The following PPP1R7 variants were observed in gnomAD, a reference collection of about 807,000 sequenced individuals.
PPP1R7 encodes protein phosphatase 1 regulatory subunit 22.
PPP1R7 carries 18 observed loss-of-function variants against 45.2 expected under a neutral mutation model. The ratio of observed to expected loss-of-function variants is 0.40; its 90% CI spans 0.28 to 0.59. The LOEUF (loss-of-function observed/expected upper bound fraction) is 0.59. PPP1R7 is among the 20% of genes least tolerant of loss of function. PPP1R7 has a pLI of 0.46. For synonymous variants in PPP1R7, 181 were observed against 183.4 expected, an observed-to-expected ratio of 0.99 and a Z score of 0.11; for missense variants, 314 against 455.8, an observed-to-expected ratio of 0.69 and a Z score of 2.83.
chr2:241,163,399 C>T lies in PPP1R7; in HGVS notation c.712C>T (p.Gln238Ter). 6.2e-7 allele frequency: 1 copy of T among 1,605,606 alleles called. No individual in the cohort carries two copies. Among genetic ancestry groups the T allele is most frequent in the Non-Finnish European group, 8.5e-7 (1 of 1,172,330 alleles). The stretch of plus-strand genomic sequence containing the variant: ...CACCAACCTGACAGTCCTCAGTATG[C>T]AGGTACGGAGCTTCCTGAGCCGCCC... ...ALTNLTVLSMQSNRLTKIEGL... is the reference protein window; with the variant it reads ...ALTNLTVLSM The change falls in exon 7 of 10, where the codon CAG becomes TAG. Residue 238 changes from glutamine to a stop codon, truncating the protein, a stop_gained and splice_region_variant. Transcript: ENST00000234038. LOFTEE classifies it high-confidence loss of function.
intron 9 of PPP1R7, among the ~76,000 whole-genome samples, chr2:241,173,019 C>T (rs899181787): frequency 1.3e-5 from 2 of 151,678 alleles, no homozygotes; most frequent in Non-Finnish European, 2.9e-5. Flanking sequence ...GGGCCAGACA[C>T]GGTGGCTCAC....
At position 241,182,640 on chromosome 2, in the gene PPP1R7, T is replaced by C. The variant is rs1433310422; in HGVS notation, c.907-7T>C. 1 of 1,613,806 alleles carries C rather than the reference T, an allele frequency of 6.2e-7. No individual in the cohort carries two copies. The highest frequency in any genetic ancestry group is 2.2e-5 in the East Asian group (1 of 44,882). On this transcript the variant is annotated splice_polypyrimidine_tract_variant and splice_region_variant and intron_variant, in intron 9 of 9. Coordinates refer to ENST00000234038, the MANE Select transcript of PPP1R7 (RefSeq NM_002712.3). Reference sequence around the variant, plus strand: ...TCTAAAGGCTTTTCTGCTGTGTGTGTCCCCAGATGAACGACAATCTCCTTG... The same window carrying C: ...TCTAAAGGCTTTTCTGCTGTGTGTGCCCCCAGATGAACGACAATCTCCTTG...
intron 4 of PPP1R7, 69 bp from the exon 5 acceptor site, chr2:241,159,144 A>G: frequency 6.5e-7 from 1 of 1,543,238 alleles, no homozygotes; most frequent in South Asian, 1.1e-5. Flanking sequence ...TGTGTCCTCC[A>G]GTATCAGCTG....
chr2:241,181,787 G>C (rs1292877527), intron 9 of PPP1R7, among the ~76,000 whole-genome samples: 1 of 152,212 alleles, frequency 6.6e-6, no homozygotes, highest in Non-Finnish European at 1.5e-5. Flanking sequence ...TCACAGTCAA[G>C]TCCAGCTGCC....
At chr2:241,169,685 G>A (rs2067780833) in intron 8 of PPP1R7, 96 bp from the exon 9 acceptor site, 2 of 1,002,252 alleles carry the variant, frequency 2.0e-6, no homozygotes, top group East Asian at 4.9e-5. Flanking sequence ...CAGTGCACCT[G>A]CAGCCCTAAG....
intron 7 of PPP1R7, among the ~76,000 whole-genome samples, chr2:241,163,818 T>C (rs1404012274): frequency 6.6e-6 from 1 of 152,182 alleles, no homozygotes; most frequent in Non-Finnish European, 1.5e-5. Context: ...TCTCACTATG[T>C]TGCCTAGGCT....
At position 241,166,428 on chromosome 2, in the gene PPP1R7, G is replaced by A; in HGVS notation, c.806G>A (p.Gly269Asp). The A allele has an allele frequency of 6.2e-7, 1 of 1,613,708 alleles. No individual in the cohort carries two copies. Among genetic ancestry groups the A allele is most frequent in the Non-Finnish European group, 8.5e-7 (1 of 1,179,744 alleles). ...CACAATGGCATCGAGGTCATCGAGG[G>A]CCTGGAGAACAATGTAAGACACCCA... is the stretch of plus-strand genomic sequence containing the variant. ...LSHNGIEVIE[G>D]LENNNKLTML... The change falls in exon 8 of 10, where the codon GGC becomes GAC. Residue 269 changes from glycine (G) to aspartate (D), a missense_variant. Coordinates refer to ENST00000234038, the MANE Select transcript of PPP1R7 (RefSeq NM_002712.3).
chr2:241,164,550 G>A (rs1040206961), intron 7 of PPP1R7, among the ~76,000 whole-genome samples: 2 of 152,160 alleles, frequency 1.3e-5, no homozygotes, highest in Admixed American at 6.5e-5. Flanking sequence ...ATACTGAGGG[G>A]CATGTGGAAA....
rs375758394 is a variant in PPP1R7 at position 241,153,508 on chromosome 2, G to A, written c.85G>A (p.Asp29Asn). ...DRRVESEESG[D>N]EEGKKHSSGI... The stretch of plus-strand genomic sequence containing the variant: ...GCGGGTCGAGTCTGAAGAATCCGGC[G>A]ATGAAGAAGGGAAGAAACACAGCAG... Residue 29 changes from aspartate to asparagine, a missense_variant, in exon 2 of 10, where the codon GAT (aspartate) becomes AAT (asparagine). This residue lies in a region of PPP1R7 where 112 missense variants were observed against 144.5 expected (regional missense o/e 0.78). Coordinates refer to ENST00000234038, the MANE Select transcript of PPP1R7 (RefSeq NM_002712.3). 8 of 1,614,108 alleles carry A rather than the reference G, an allele frequency of 5.0e-6. No homozygotes were observed. Among genetic ancestry groups the A allele is most frequent in the African/African-American group, 2.7e-5 (2 of 74,940 alleles).
chr2:241,170,134 C>T (rs139638093), intron 9 of PPP1R7, among the ~76,000 whole-genome samples: 1 of 152,308 alleles, frequency 6.6e-6, no homozygotes, highest in Non-Finnish European at 1.5e-5. Context: ...AAAACTGAGT[C>T]AAAATCTTTG....
chr2:241,169,977 G>C, intron 9 of PPP1R7, 110 bp downstream of exon 9: 3 of 871,936 alleles, frequency 3.4e-6, no homozygotes, highest in Non-Finnish European at 5.5e-6. Flanking sequence ...CATGCTGAGT[G>C]ACTCCGCACA....
chr2:241,182,620 A>G, intron 9 of PPP1R7, 27 bp from the exon 10 acceptor site: 1 of 1,612,222 alleles, frequency 6.2e-7, no homozygotes, highest in Non-Finnish European at 8.5e-7. Flanking sequence ...TTGGTTCTAA[A>G]GGCTTTTCTG....
intron 9 of PPP1R7, among the ~76,000 whole-genome samples, chr2:241,170,095 A>G (rs2067787982): frequency 6.6e-6 from 1 of 152,218 alleles, no homozygotes. Flanking sequence ...TAGAAATGCA[A>G]AATCTTGGGC....
upstream of PPP1R7, chr2:241,150,264 C>G: frequency 1.5e-6 from 2 of 1,292,714 alleles, no homozygotes; most frequent in Non-Finnish European, 9.8e-7. Flanking sequence ...CCCAGCTTCT[C>G]GCCTCCAGAC....
chr2:241,163,181 G>A (rs902761278), intron 6 of PPP1R7, 104 bp from the exon 7 acceptor site: 30 of 703,228 alleles, frequency 4.3e-5, no homozygotes, highest in African/African-American at 7.1e-5. Context: ...GCCCCACATC[G>A]CAGAGCTGAA....
At chr2:241,159,369 C>T (rs1316164077) in intron 5 of PPP1R7, 26 bp downstream of exon 5, 1 of 1,608,944 alleles carries the variant, frequency 6.2e-7, no homozygotes, top group Non-Finnish European at 8.5e-7. Context: ...CACAGGAGAA[C>T]AGCATGGTGG....
rs747249804 is a variant in PPP1R7, at chr2:241,158,534, A to G, written c.288A>G (p.Val96=). 3.7e-6 allele frequency: 6 copies of G among 1,613,832 alleles called. No individual in the cohort carries two copies. Among genetic ancestry groups the G allele is most frequent in the Middle Eastern group, 1.6e-4 (1 of 6,082 alleles). Residue 96 remains valine (V), a synonymous_variant, in exon 4 of 10, where the codon GTA becomes GTG. Coordinates refer to ENST00000234038, the MANE Select transcript of PPP1R7 (RefSeq NM_002712.3). ...TAGGGAAGATTGAAGGATTTGAGGT[A>G]CTGAAGAAAGTGAAGGTGAGAGGGA... ...YRIGKIEGFE[V]LKKVKTLCLR...
chr2:241,182,939 G>A lies in PPP1R7; in HGVS notation c.*116G>A, dbSNP rs2068030172. Reference sequence around the variant, plus strand: ...TATATCAACAGTCACAAACCCAATGGCAATAAAGGCACTGACGATAGCTGG... The same window carrying A: ...TATATCAACAGTCACAAACCCAATGACAATAAAGGCACTGACGATAGCTGG... On this transcript the variant is annotated 3_prime_UTR_variant, in exon 10 of 10. Transcript: ENST00000234038. 17 of 1,209,736 alleles carry A rather than the reference G, an allele frequency of 1.4e-5. No individual in the cohort carries two copies. The highest frequency in any genetic ancestry group is 1.9e-5 in the Non-Finnish European group (17 of 879,400). 74.9% of individuals were successfully genotyped at this position (1,209,736 alleles called of 1,614,324 possible).
intron 9 of PPP1R7, among the ~76,000 whole-genome samples, chr2:241,182,131 T>A (rs934499023): frequency 2.0e-5 from 3 of 152,240 alleles, no homozygotes; most frequent in South Asian, 2.1e-4. Context: ...TCACGATTTG[T>A]GTCCCTGCAC....
Sources: gnomAD v4.1 joint callset for allele counts (sites outside exome capture counted in the v4.1 genomes callset) on GRCh38, gnomAD v4.1.1 for gene constraint, gnomAD v4.1.1 regional missense constraint, MANE v1.5 for transcripts, NCBI Gene and HGNC (gene_info 2026-07-23, HGNC 2026-07-21) for gene names.